The following IL1RAPL1 variants were observed in gnomAD, a reference collection of about 807,000 sequenced individuals.
IL1RAPL1 encodes interleukin-1 receptor accessory protein-like 1.
Under a neutral mutation model 48.4 loss-of-function variants are expected in IL1RAPL1, and 3 were observed. That is an observed-to-expected ratio of 0.06 (90% confidence interval 0.03 to 0.16). The LOEUF is 0.16. Ranked by LOEUF, IL1RAPL1 falls within the 10% of genes least tolerant of loss-of-function variation. The pLI, the probability that IL1RAPL1 is intolerant of heterozygous loss-of-function variation, is 1.00. For missense variants in IL1RAPL1, 349 were observed against 530.6 expected (o/e 0.66, Z 3.36); for synonymous variants, 185 against 187.7 (o/e 0.99, Z 0.12).
At chrX:29,802,761 ATATATATATATATATATATATG>A (rs1929947305) in intron 6 of IL1RAPL1, among the ~76,000 whole-genome samples, 2 of 22,629 alleles carry the variant, frequency 8.8e-5, no homozygotes, top group East Asian at 2.6e-3. Context: ...ATATATATAT[ATATATATATATATATATATATG>A]TGTGTGTGTA....
In IL1RAPL1 at chrX:28,836,372, G is replaced by T. The variant is rs865791563; in HGVS notation, c.82+46947G>T. 2.2e-3 allele frequency among the ~76,000 whole-genome samples: 201 copies of T among 93,351 alleles called. 1 individual carries two copies. Among genetic ancestry groups the T allele is most frequent in the African/African-American group, 0.01 (193 of 18,843 alleles). 81.1% of individuals were successfully genotyped at this position (93,351 alleles called of 115,157 possible). On this transcript the variant is annotated intron_variant, in intron 2 of 10. Coordinates refer to ENST00000378993, the MANE Select transcript of IL1RAPL1 (RefSeq NM_014271.4). ...TATATATATATATATATGACAGAGAGAGAGAGAGAGAGAGACAGACAGACA... is the reference window on the plus strand; with the variant it reads ...TATATATATATATATATGACAGAGATAGAGAGAGAGAGAGACAGACAGACA...
At chrX:28,773,387 C>A (rs959319660) in intron 1 of IL1RAPL1, among the ~76,000 whole-genome samples, 2 of 111,684 alleles carry the variant, frequency 1.8e-5, no homozygotes, top group African/African-American at 6.5e-5. Context: ...TCACACAATC[C>A]TTTTACTTCT....
chrX:29,539,755 A>C (rs2147782510), intron 5 of IL1RAPL1, among the ~76,000 whole-genome samples: 1 of 111,216 alleles, frequency 9.0e-6, no homozygotes, highest in East Asian at 2.8e-4. Flanking sequence ...CATGATTATA[A>C]GTTTCCTGAG....
At chrX:28,897,555 C>G (rs1025032042) in intron 2 of IL1RAPL1, among the ~76,000 whole-genome samples, 1 of 111,958 alleles carries the variant, frequency 8.9e-6, no homozygotes, top group Non-Finnish European at 1.9e-5. Flanking sequence ...AAAGAGGCCA[C>G]TTACCGGACT....
At chrX:29,894,592 A>C (rs1238669437) in intron 6 of IL1RAPL1, among the ~76,000 whole-genome samples, 1 of 112,005 alleles carries the variant, frequency 8.9e-6, no homozygotes, top group Admixed American at 9.5e-5. Context: ...CTATTAATTT[A>C]AATAGACAAA....
intron 3 of IL1RAPL1, among the ~76,000 whole-genome samples, chrX:29,334,757 T>A (rs1291395775): frequency 1.8e-5 from 2 of 110,647 alleles, no homozygotes; most frequent in Non-Finnish European, 3.8e-5. Context: ...CTAGATGGGA[T>A]GGCGGCCGGG....
intron 2 of IL1RAPL1, among the ~76,000 whole-genome samples, chrX:28,832,644 A>C (rs190218856): frequency 1.5e-3 from 167 of 110,406 alleles, no homozygotes; most frequent in African/African-American, 5.4e-3. Context: ...AACTTTGACA[A>C]GTTGCCTTTA....
chrX:29,764,703 T>G (rs1014231528), intron 6 of IL1RAPL1, among the ~76,000 whole-genome samples: 6 of 112,249 alleles, frequency 5.3e-5, no homozygotes, highest in Non-Finnish European at 5.6e-5. Flanking sequence ...TATTCCATAT[T>G]TAGCTGTAGT....
chrX:29,894,608 G>C (rs762507660), intron 6 of IL1RAPL1, among the ~76,000 whole-genome samples: 2 of 111,729 alleles, frequency 1.8e-5, no homozygotes, highest in South Asian at 7.4e-4. Flanking sequence ...ACAAAAAGAA[G>C]ACACTTGAAA....
intron 6 of IL1RAPL1, among the ~76,000 whole-genome samples, chrX:29,782,096 GTCTGTCTA>G (rs796629775): frequency 0.013 from 1,212 of 90,442 alleles, 20 homozygotes; most frequent in East Asian, 0.045. Context: ...CTGTCTGTCT[GTCTGTCTA>G]TCTATCTATC....
At chrX:29,585,331 G>A (rs1383356142) in intron 5 of IL1RAPL1, among the ~76,000 whole-genome samples, 1 of 111,880 alleles carries the variant, frequency 8.9e-6, no homozygotes, top group Non-Finnish European at 1.9e-5. Flanking sequence ...TTAGCATAAT[G>A]TCCTCAAGTT....
chrX:29,337,377 A>G (rs1602181099), intron 3 of IL1RAPL1, among the ~76,000 whole-genome samples: 1 of 111,988 alleles, frequency 8.9e-6, no homozygotes. Flanking sequence ...AAGAGTATAC[A>G]TTTACAAGAT....
chrX:29,667,710 A>T (rs754351858), intron 5 of IL1RAPL1, among the ~76,000 whole-genome samples: 97 of 112,406 alleles, frequency 8.6e-4, no homozygotes, highest in African/African-American at 3.1e-3. Context: ...TTGTGGGCTG[A>T]TAATTGAAGT....
intron 5 of IL1RAPL1, among the ~76,000 whole-genome samples, chrX:29,666,441 A>G (rs1007322168): frequency 9.1e-6 from 1 of 110,227 alleles, no homozygotes; most frequent in Non-Finnish European, 1.9e-5. Flanking sequence ...CATGTTAGAG[A>G]ACACAGTTTC....
chrX:28,881,884 C>T (rs1450207388), intron 2 of IL1RAPL1, among the ~76,000 whole-genome samples: 1 of 110,360 alleles, frequency 9.1e-6, no homozygotes, highest in Non-Finnish European at 1.9e-5. Context: ...GACTACGGGA[C>T]TTATGGGACA....
chrX:29,052,612 T>C (rs1927118647), intron 2 of IL1RAPL1, among the ~76,000 whole-genome samples: 1 of 108,514 alleles, frequency 9.2e-6, no homozygotes. Flanking sequence ...TCTACTCTTA[T>C]CTTGTCTGAA....
chrX:29,630,543 T>C (rs1221657870), intron 5 of IL1RAPL1, among the ~76,000 whole-genome samples: 6 of 51,275 alleles, frequency 1.2e-4, no homozygotes, highest in African/African-American at 6.2e-4. Context: ...TCTCCAGACT[T>C]TTTTTTTTTT....
chrX:29,745,039 C>T (rs1017488727), intron 6 of IL1RAPL1, among the ~76,000 whole-genome samples: 1 of 111,825 alleles, frequency 8.9e-6, no homozygotes, highest in Non-Finnish European at 1.9e-5. Context: ...ACGAGAGCAT[C>T]GTGACTCTAC....
intron 9 of IL1RAPL1, among the ~76,000 whole-genome samples, chrX:29,947,125 A>C (rs1237521318): frequency 1.8e-5 from 2 of 111,629 alleles, no homozygotes; most frequent in Non-Finnish European, 3.8e-5. Flanking sequence ...AATAAGGGCA[A>C]GCTACTGTCT....
Sources: gnomAD v4.1 joint callset for allele counts (sites outside exome capture counted in the v4.1 genomes callset) on GRCh38, gnomAD v4.1.1 for gene constraint, MANE v1.5 for transcripts, NCBI Gene and HGNC (gene_info 2026-07-23, HGNC 2026-07-21) for gene names.